GIGYF2: variants seen among roughly 807,000 people sequenced by gnomAD.
GIGYF2 encodes GRB10 interacting GYF protein 2.
A neutral mutation model predicts 208.1 loss-of-function variants in GIGYF2; 25 were observed. That is an observed-to-expected ratio of 0.12 (90% CI 0.09 to 0.17). The LOEUF (loss-of-function observed/expected upper bound fraction) is 0.17. Ranked by LOEUF, GIGYF2 falls within the 10% of genes least tolerant of loss-of-function variation. The pLI, the probability that GIGYF2 is intolerant of heterozygous loss-of-function variation, is 1.00. For synonymous variants in GIGYF2, 534 were observed against 543.8 expected, an observed-to-expected ratio of 0.98 and a Z score of 0.25; for missense variants, 1,302 against 1,579.4, an observed-to-expected ratio of 0.82 and a Z score of 2.98.
At chr2:232,757,547 T>C (rs1455278105) in intron 6 of GIGYF2, among the ~76,000 whole-genome samples, 2 of 152,134 alleles carry the variant, frequency 1.3e-5, no homozygotes, top group Non-Finnish European at 2.9e-5. Context: ...CTTGGTGGCA[T>C]GGTGGTGGTT....
intron 2 of GIGYF2, among the ~76,000 whole-genome samples, chr2:232,710,106 C>T (rs1192361706): frequency 6.6e-6 from 1 of 151,856 alleles, no homozygotes; most frequent in Admixed American, 6.6e-5. Flanking sequence ...ACTACAGGCA[C>T]CCGCCACCAT....
chr2:232,768,528 G>A, intron 8 of GIGYF2: 2 of 1,614,098 alleles, frequency 1.2e-6, no homozygotes, highest in Non-Finnish European at 1.7e-6. Context: ...AGGACTTGAT[G>A]GTGTAATGGA....
At chr2:232,830,781 G>A (rs1701404102) in intron 21 of GIGYF2, among the ~76,000 whole-genome samples, 1 of 151,350 alleles carries the variant, frequency 6.6e-6, no homozygotes, top group Non-Finnish European at 1.5e-5. Flanking sequence ...AGGAGTTCAA[G>A]AACATCCTGA....
intron 1 of GIGYF2, among the ~76,000 whole-genome samples, chr2:232,701,856 G>A (rs1314461870): frequency 6.6e-6 from 1 of 152,136 alleles, no homozygotes; most frequent in Admixed American, 6.6e-5. Context: ...GGAGGAAAGG[G>A]AAGAAGAAAT....
chr2:232,719,364 A>G (rs989668725), intron 2 of GIGYF2, among the ~76,000 whole-genome samples: 1 of 152,112 alleles, frequency 6.6e-6, no homozygotes, highest in Non-Finnish European at 1.5e-5. Context: ...GGGACTTACT[A>G]CGTAGATTTG....
intron 22 of GIGYF2, 87 bp downstream of exon 22, chr2:232,833,180 GTTCT>G (rs902856999): frequency 5.8e-5 from 40 of 685,688 alleles, no homozygotes; most frequent in African/African-American, 2.0e-4. Flanking sequence ...CAGTAAAACT[GTTCT>G]TTCTTTCTTT....
At chr2:232,786,729 A>G (rs1699919086) in intron 8 of GIGYF2, among the ~76,000 whole-genome samples, 1 of 152,194 alleles carries the variant, frequency 6.6e-6, no homozygotes, top group Admixed American at 6.5e-5. Context: ...CAGCAAACAA[A>G]ACAACATTTA....
chr2:232,832,728 A>G (rs1472139853), intron 21 of GIGYF2, 129 bp from the exon 22 acceptor site: 5 of 699,216 alleles, frequency 7.2e-6, no homozygotes, highest in African/African-American at 1.8e-5. Context: ...ACCTTGCATC[A>G]TCATGAACAG....
intron 2 of GIGYF2, among the ~76,000 whole-genome samples, chr2:232,718,206 T>G (rs977160047): frequency 3.9e-5 from 6 of 152,126 alleles, no homozygotes; most frequent in African/African-American, 1.4e-4. Context: ...CAAGCTGTTC[T>G]CCTGTCTCAG....
intron 8 of GIGYF2, among the ~76,000 whole-genome samples, chr2:232,786,122 T>C (rs917746025): frequency 1.3e-5 from 2 of 152,274 alleles, no homozygotes; most frequent in African/African-American, 4.8e-5. Flanking sequence ...TCTTTTGACA[T>C]TAATGTAACT....
chr2:232,769,752 G>A (rs1454270694), intron 8 of GIGYF2, among the ~76,000 whole-genome samples: 1 of 152,028 alleles, frequency 6.6e-6, no homozygotes, highest in Non-Finnish European at 1.5e-5. Flanking sequence ...GTACTTACCA[G>A]AATTATGTTT....
rs752987924 is a variant in GIGYF2 at position 232,768,382 on chromosome 2, A to G, written c.532+6946A>G. 6.2e-7 allele frequency: 1 copy of G among 1,614,174 alleles called. No homozygotes were observed. The highest frequency in any genetic ancestry group is 1.7e-5 in the Admixed American group (1 of 60,020). Reference sequence around the variant, plus strand: ...CCTCGGGTCAACAGAGATGCAAAACAGTGATGTAACATGATTTCAGACGGT... The same window carrying G: ...CCTCGGGTCAACAGAGATGCAAAACGGTGATGTAACATGATTTCAGACGGT... On this transcript the variant is annotated intron_variant, in intron 8 of 28. Coordinates refer to ENST00000373563, the MANE Select transcript of GIGYF2 (RefSeq NM_001103146.3).
intron 21 of GIGYF2, among the ~76,000 whole-genome samples, chr2:232,830,342 T>G (rs1355028945): frequency 6.6e-6 from 1 of 152,210 alleles, no homozygotes; most frequent in Non-Finnish European, 1.5e-5. Context: ...GCTTTTATAA[T>G]TACATGTGTG....
intron 20 of GIGYF2, 108 bp from the exon 21 acceptor site, chr2:232,819,719 C>A: frequency 1.5e-6 from 1 of 688,244 alleles, no homozygotes; most frequent in Non-Finnish European, 2.6e-6. Context: ...TACTGTTTAA[C>A]AGAGTCTTAG....
intron 1 of GIGYF2, among the ~76,000 whole-genome samples, chr2:232,702,590 T>G (rs1195020578): frequency 6.6e-6 from 1 of 152,214 alleles, no homozygotes; most frequent in Non-Finnish European, 1.5e-5. Flanking sequence ...TTGAAGATAC[T>G]ATACTTCAAT....
At chr2:232,786,588 A>G (rs1474205253) in intron 8 of GIGYF2, among the ~76,000 whole-genome samples, 6 of 152,222 alleles carry the variant, frequency 3.9e-5, no homozygotes, top group Non-Finnish European at 7.3e-5. Context: ...AAATGTACAG[A>G]TATCATGTTT....
chr2:232,756,407 T>A, intron 6 of GIGYF2, 73 bp downstream of exon 6: 1 of 720,006 alleles, frequency 1.4e-6, no homozygotes, highest in Non-Finnish European at 2.3e-6. Flanking sequence ...TAAAATATTT[T>A]AATGCCTGAT....
At chr2:232,747,842 A>G (rs1156958819) in intron 4 of GIGYF2, 98 bp downstream of exon 4, 4 of 1,172,588 alleles carry the variant, frequency 3.4e-6, no homozygotes, top group Middle Eastern at 2.7e-4. Flanking sequence ...TTACTAATGT[A>G]TTGACCCATG....
chr2:232,737,956 G>A (rs533544951), intron 3 of GIGYF2, among the ~76,000 whole-genome samples: 2 of 128,800 alleles, frequency 1.6e-5, no homozygotes, highest in African/African-American at 6.0e-5. Context: ...TCGCTCTGTC[G>A]CCCAGGCTGG....
Sources: allele counts gnomAD v4.1 joint callset (sites outside exome capture counted in the v4.1 genomes callset), GRCh38; gene constraint gnomAD v4.1.1; transcripts MANE v1.5; gene names NCBI Gene and HGNC (gene_info 2026-07-23, HGNC 2026-07-21).